The following SLC25A13 variants were observed in gnomAD, a reference collection of about 807,000 sequenced individuals.
The protein encoded by SLC25A13 is electrogenic aspartate/glutamate antiporter SLC25A13, mitochondrial.
SLC25A13 carries 70 observed loss-of-function variants against 85.5 expected under a neutral mutation model. The observed-to-expected ratio is 0.82, with a 90% CI of 0.68 to 1.00. The LOEUF (loss-of-function observed/expected upper bound fraction) is 1.00, where lower values mean the gene tolerates loss of function less well. Ranked by LOEUF, SLC25A13 falls within the 50% of genes least tolerant of loss-of-function variation. The pLI is 0.00. For missense variants in SLC25A13, 765 were observed against 819.8 expected (o/e 0.93, Z 0.82); for synonymous variants, 259 against 288.7 (o/e 0.90, Z 1.04).
intron 1 of SLC25A13, chr7:96,307,004 C>T (rs1437221638): frequency 3.7e-6 from 3 of 800,624 alleles, no homozygotes; most frequent in Non-Finnish European, 6.1e-6. Context: ...CATGAGTCTG[C>T]GGTGGGTCCC....
intron 4 of SLC25A13, among the ~76,000 whole-genome samples, chr7:96,227,974 C>T (rs1021418047): frequency 1.3e-5 from 2 of 152,222 alleles, no homozygotes; most frequent in Middle Eastern, 3.4e-3. Flanking sequence ...AAGCGATTCT[C>T]CTGCCTCAGC....
intron 4 of SLC25A13, among the ~76,000 whole-genome samples, chr7:96,228,309 T>C (rs926763738): frequency 1.3e-5 from 2 of 152,208 alleles, no homozygotes; most frequent in Non-Finnish European, 2.9e-5. Flanking sequence ...GTGAAACATA[T>C]AACCCTCAGA....
intron 3 of SLC25A13, among the ~76,000 whole-genome samples, chr7:96,266,525 AGAG>A (rs1798047573): frequency 6.6e-6 from 1 of 152,176 alleles, no homozygotes; most frequent in African/African-American, 2.4e-5. Flanking sequence ...GAGCTGGGTA[AGAG>A]GAGGAGGAGC....
chr7:96,238,901 G>T (rs1335175897), intron 3 of SLC25A13, among the ~76,000 whole-genome samples: 1 of 151,274 alleles, frequency 6.6e-6, no homozygotes, highest in Non-Finnish European at 1.5e-5. Flanking sequence ...TGGTTTCATG[G>T]TCTGAATAAA....
chr7:96,277,998 C>T (rs1798525271), intron 2 of SLC25A13, among the ~76,000 whole-genome samples: 1 of 152,096 alleles, frequency 6.6e-6, no homozygotes, highest in South Asian at 2.1e-4. Context: ...ACTGTCCTCT[C>T]CATTCTAAGG....
chr7:96,167,927 GTC>G (rs1793823045), intron 13 of SLC25A13, among the ~76,000 whole-genome samples: 1 of 151,710 alleles, frequency 6.6e-6, no homozygotes, highest in Non-Finnish European at 1.5e-5. Flanking sequence ...GTGAAACCTA[GTC>G]TCTACTAAAA....
chr7:96,129,877 C>T (rs1791946410), intron 15 of SLC25A13, among the ~76,000 whole-genome samples: 1 of 152,184 alleles, frequency 6.6e-6, no homozygotes, highest in South Asian at 2.1e-4. Context: ...GGTAACAATG[C>T]TTAAGACACA....
intron 4 of SLC25A13, among the ~76,000 whole-genome samples, chr7:96,213,931 T>A (rs2116734350): frequency 6.6e-6 from 1 of 152,328 alleles, no homozygotes; most frequent in South Asian, 2.1e-4. Flanking sequence ...GCTTATTTTT[T>A]AAAGTAAAGT....
chr7:96,284,830 T>C (rs557419416), intron 2 of SLC25A13, among the ~76,000 whole-genome samples: 2 of 152,238 alleles, frequency 1.3e-5, no homozygotes, highest in East Asian at 1.9e-4. Flanking sequence ...CATGTGGAAC[T>C]GTGAGTCAAT....
At chr7:96,300,747 A>G (rs974079857) in intron 1 of SLC25A13, among the ~76,000 whole-genome samples, 18 of 152,176 alleles carry the variant, frequency 1.2e-4, no homozygotes, top group African/African-American at 4.3e-4. Context: ...TCTGAGGCCC[A>G]CTAAAATTTG....
At chr7:96,250,589 A>ATAGGTGGTT (rs1324718909) in intron 3 of SLC25A13, among the ~76,000 whole-genome samples, 1 of 152,180 alleles carries the variant, frequency 6.6e-6, no homozygotes, top group African/African-American at 2.4e-5. Flanking sequence ...AATCCTATAT[A>ATAGGTGGTT]TAGGTGGTTT....
At chr7:96,159,555 C>T (rs936806385) in intron 13 of SLC25A13, among the ~76,000 whole-genome samples, 7 of 152,162 alleles carry the variant, frequency 4.6e-5, no homozygotes, top group Non-Finnish European at 1.0e-4. Context: ...ACCTTAACCT[C>T]GGACTTCCAG....
intron 2 of SLC25A13, among the ~76,000 whole-genome samples, chr7:96,287,969 C>T (rs1254050354): frequency 6.6e-6 from 1 of 152,188 alleles, no homozygotes; most frequent in Non-Finnish European, 1.5e-5. Flanking sequence ...TATCAACACA[C>T]CTTAAATGCA....
chr7:96,127,151 G>A (rs140237376), intron 15 of SLC25A13, among the ~76,000 whole-genome samples: 2 of 152,170 alleles, frequency 1.3e-5, no homozygotes, highest in Non-Finnish European at 2.9e-5. Flanking sequence ...TGGTATGATA[G>A]AGCATTCTAT....
intron 1 of SLC25A13, among the ~76,000 whole-genome samples, chr7:96,308,712 G>C (rs139680076): frequency 2.7e-4 from 41 of 152,222 alleles, no homozygotes; most frequent in African/African-American, 8.4e-4. Flanking sequence ...AGAAAAAAAT[G>C]ATAAATATTT....
chr7:96,205,901 G>A (rs978517198), intron 5 of SLC25A13, among the ~76,000 whole-genome samples: 2 of 151,020 alleles, frequency 1.3e-5, no homozygotes, highest in African/African-American at 4.9e-5. Flanking sequence ...TGGTTTCTAA[G>A]AAGCTCACAC....
At position 96,322,043 on chromosome 7, in the gene SLC25A13, G is replaced by A. The variant is rs781006007; in HGVS notation, c.-87C>T. On this transcript the variant is annotated 5_prime_UTR_variant, in exon 1 of 18. Coordinates refer to ENST00000265631, the MANE Select transcript of SLC25A13 (RefSeq NM_014251.3). ...CGGGCGGCTCACTTCTAGTCCCGGC[G>A]GCGGCGGCGGTGGGGGCGGCGATAC... The A allele has an allele frequency of 2.0e-6, 3 of 1,504,832 alleles. No individual in the cohort carries two copies. Among genetic ancestry groups the A allele is most frequent in the African/African-American group, 2.9e-5 (2 of 69,090 alleles). 93.2% of individuals were successfully genotyped at this position (1,504,832 alleles called of 1,614,324 possible).
intron 14 of SLC25A13, among the ~76,000 whole-genome samples, chr7:96,138,835 G>A (rs1323313948): frequency 6.6e-6 from 1 of 151,914 alleles, no homozygotes; most frequent in Non-Finnish European, 1.5e-5. Flanking sequence ...TTTTTTTCTG[G>A]TGTCTTTAGC....
intron 11 of SLC25A13, among the ~76,000 whole-genome samples, chr7:96,176,174 G>T (rs1794211356): frequency 6.6e-6 from 1 of 152,214 alleles, no homozygotes; most frequent in Non-Finnish European, 1.5e-5. Context: ...AATGCCTAAA[G>T]CAGAGAGTCT....
Sources: allele counts gnomAD v4.1 joint callset (sites outside exome capture counted in the v4.1 genomes callset), GRCh38; gene constraint gnomAD v4.1.1; transcripts MANE v1.5; gene names NCBI Gene and HGNC (gene_info 2026-07-23, HGNC 2026-07-21).